SLCO3A1: variants seen among roughly 807,000 people sequenced by gnomAD.
The protein encoded by SLCO3A1 is PGE1 transporter.
Under a neutral mutation model 63.1 loss-of-function variants are expected in SLCO3A1, and 27 were observed. That is an observed-to-expected ratio of 0.43 (90% confidence interval 0.32 to 0.59). The LOEUF (loss-of-function observed/expected upper bound fraction) is 0.59. SLCO3A1 is among the 20% of genes least tolerant of loss of function. SLCO3A1 has a pLI of 0.09. For missense variants in SLCO3A1, 773 were observed against 945.8 expected (o/e 0.82, Z 2.40); for synonymous variants, 473 against 409.9 (o/e 1.15, Z -1.86).
chr15:92,170,264 C>G (rs2048514297), downstream of SLCO3A1, among the ~76,000 whole-genome samples: 1 of 152,284 alleles, frequency 6.6e-6, no homozygotes, highest in South Asian at 2.1e-4. Flanking sequence ...AGGATCCCAA[C>G]TGAACACAGA....
In SLCO3A1 at chr15:91,854,311, C is replaced by G. The variant is rs111571370; in HGVS notation, c.180+223C>G. The G allele has an allele frequency of 9.0e-7, 1 of 1,112,436 alleles. No homozygotes were observed. Among genetic ancestry groups the G allele is most frequent in the African/African-American group, 1.7e-5 (1 of 60,248 alleles). The allele number at this position is 1,112,436 out of a possible 1,614,324, so 68.9% of individuals were successfully genotyped here. A position where few individuals can be genotyped will look rare whatever the true frequency, so the allele number is the denominator to read the frequency against. ...GGGACCGTTGATGCCGGTAGCAGCT[C>G]GCGCGCGTCCGGCTGGGGCAGGGGG... is the stretch of plus-strand genomic sequence containing the variant. On this transcript the variant is annotated intron_variant, in intron 1 of 9. Transcript: ENST00000318445. This position sits in a 1 kb window ranked among gnomAD's most constrained non-coding sequence, Gnocchi z 6.4.
rs150852514 is a variant in SLCO3A1 at position 92,161,385 on chromosome 15, C to A, written c.1754-1371C>A. Among the ~76,000 whole-genome samples, 252 of 152,258 alleles carry A rather than the reference C, an allele frequency of 1.7e-3. 1 individual carries two copies. Among genetic ancestry groups the A allele is most frequent in the African/African-American group, 5.9e-3 (245 of 41,548 alleles). On this transcript the variant is annotated intron_variant, in intron 9 of 9. Coordinates refer to ENST00000318445, the MANE Select transcript of SLCO3A1 (RefSeq NM_013272.4). ...CACCCTGGATGATGATTGTCATGGG[C>A]AGCCAGGTCTGATAACTCGGATAAC... is the stretch of plus-strand genomic sequence containing the variant.
intron 2 of SLCO3A1, among the ~76,000 whole-genome samples, chr15:91,959,979 T>C (rs1900381535): frequency 6.6e-6 from 1 of 152,052 alleles, no homozygotes; most frequent in South Asian, 2.1e-4. Flanking sequence ...TCATACAATA[T>C]GTGGCCTTTT....
intron 4 of SLCO3A1, among the ~76,000 whole-genome samples, chr15:92,106,767 C>T (rs1446016557): frequency 6.6e-6 from 1 of 152,182 alleles, no homozygotes; most frequent in Non-Finnish European, 1.5e-5. Flanking sequence ...TAACAAGCAG[C>T]ACAGGTGGTT....
intron 7 of SLCO3A1, among the ~76,000 whole-genome samples, chr15:92,143,686 C>G (rs1007879830): frequency 2.7e-5 from 4 of 148,968 alleles, no homozygotes; most frequent in Non-Finnish European, 5.9e-5. Flanking sequence ...TGGTTTTTGT[C>G]ATTACTTTTA....
chr15:92,104,691 A>G (rs2047646603), intron 4 of SLCO3A1, 149 bp downstream of exon 4: 1 of 762,708 alleles, frequency 1.3e-6, no homozygotes. Flanking sequence ...TCTACCAGCC[A>G]GGTGCTTAAC....
rs1724154623 is a variant in SLCO3A1, at chr15:91,862,792, G to A, written c.180+8704G>A. The stretch of plus-strand genomic sequence containing the variant: ...AGTGATTATTTTTACCGCCATTTCT[G>A]CACTTGCAAGGTTGATGTAGGGAGA... On this transcript the variant is annotated intron_variant, in intron 1 of 9. Coordinates refer to ENST00000318445, the MANE Select transcript of SLCO3A1 (RefSeq NM_013272.4). The surrounding 1 kb of genome is among the most constrained non-coding windows in gnomAD (Gnocchi z 4.0). Among the ~76,000 whole-genome samples the A allele has an allele frequency of 1.3e-5, 2 of 152,184 alleles. No individual in the cohort carries two copies. Among genetic ancestry groups the A allele is most frequent in the South Asian group, 4.1e-4 (2 of 4,830 alleles).
intron 2 of SLCO3A1, among the ~76,000 whole-genome samples, chr15:91,924,645 C>G (rs1898953580): frequency 6.6e-6 from 1 of 152,158 alleles, no homozygotes; most frequent in South Asian, 2.1e-4. Context: ...AGGAAGAGGA[C>G]AGGGGATCTT....
rs559531432 is a variant in SLCO3A1, at chr15:91,858,889, C to G, written c.180+4801C>G. Reference sequence around the variant, plus strand: ...GCCTGGATGAACAAGGGTAGTATTGCAAAAATGATGAGGATACAGCTGCAT... The same window carrying G: ...GCCTGGATGAACAAGGGTAGTATTGGAAAAATGATGAGGATACAGCTGCAT... On this transcript the variant is annotated intron_variant, in intron 1 of 9. Coordinates refer to ENST00000318445, the MANE Select transcript of SLCO3A1 (RefSeq NM_013272.4). Among the ~76,000 whole-genome samples, 9 of 152,288 alleles carry G rather than the reference C, an allele frequency of 5.9e-5. No individual in the cohort carries two copies. In the South Asian group the frequency reaches 1.9e-3, roughly 32 times the overall value.
chr15:92,130,854 T>G lies in SLCO3A1; in HGVS notation c.1512+2365T>G, dbSNP rs114345933. 5.8e-3 allele frequency among the ~76,000 whole-genome samples: 871 copies of G among 150,514 alleles called. 12 individuals are homozygous for G. Among genetic ancestry groups the G allele is most frequent in the African/African-American group, 0.017 (705 of 40,728 alleles). ...TGTACTCCCTCCCTCGCCCCCTTTTTTCTCCACTCTTCTTGTCTCCAAGTT... is the reference window on the plus strand; with the variant it reads ...TGTACTCCCTCCCTCGCCCCCTTTTGTCTCCACTCTTCTTGTCTCCAAGTT... On this transcript the variant is annotated intron_variant, in intron 7 of 9. Coordinates refer to ENST00000318445, the MANE Select transcript of SLCO3A1 (RefSeq NM_013272.4).
rs1007202461 is a variant in SLCO3A1, at chr15:91,865,849, A to T, written c.180+11761A>T. 6.6e-6 allele frequency among the ~76,000 whole-genome samples: 1 copy of T among 152,250 alleles called. No homozygotes were observed. The highest frequency in any genetic ancestry group is 2.4e-5 in the African/African-American group (1 of 41,464). ...TTCAGTTTATCTTTTTGGGGAAAACAAATCAATTCATAACACCAGAGAAGA... is the reference window on the plus strand; with the variant it reads ...TTCAGTTTATCTTTTTGGGGAAAACTAATCAATTCATAACACCAGAGAAGA... On this transcript the variant is annotated intron_variant, in intron 1 of 9. Transcript: ENST00000318445. The surrounding 1 kb of genome is among the most constrained non-coding windows in gnomAD (Gnocchi z 4.6).
chr15:92,125,351 C>A (rs954673563), intron 5 of SLCO3A1, among the ~76,000 whole-genome samples: 2 of 152,120 alleles, frequency 1.3e-5, no homozygotes, highest in African/African-American at 4.8e-5. Flanking sequence ...TCCTTTGGTC[C>A]TCCTAAAATG....
chr15:92,115,754 A>G (rs541036932), intron 4 of SLCO3A1, among the ~76,000 whole-genome samples: 1 of 140,166 alleles, frequency 7.1e-6, no homozygotes, highest in South Asian at 2.3e-4. Flanking sequence ...TTTCAGCTCT[A>G]CAATTCTTTC....
intron 8 of SLCO3A1, 64 bp downstream of exon 8, chr15:92,147,223 A>G (rs1297984259): frequency 2.7e-6 from 4 of 1,493,920 alleles, no homozygotes; most frequent in East Asian, 2.3e-5. Context: ...CAGGCCTCCT[A>G]GGGACCAGAG....
At chr15:92,125,501 T>C (rs1682796767) in intron 5 of SLCO3A1, among the ~76,000 whole-genome samples, 1 of 152,158 alleles carries the variant, frequency 6.6e-6, no homozygotes, top group African/African-American at 2.4e-5. Flanking sequence ...TTGATGCCAC[T>C]TCCTGAGGGG....
At chr15:91,995,853 T>C (rs986069027) in intron 2 of SLCO3A1, among the ~76,000 whole-genome samples, 1 of 151,562 alleles carries the variant, frequency 6.6e-6, no homozygotes, top group African/African-American at 2.4e-5. Context: ...GCAATACTCA[T>C]AGAAATTTAG....
chr15:91,930,773 CAT>C (rs1899197594), intron 2 of SLCO3A1, among the ~76,000 whole-genome samples: 2 of 151,728 alleles, frequency 1.3e-5, no homozygotes, highest in African/African-American at 4.8e-5. Flanking sequence ...AAGTTCTTGA[CAT>C]ATATTATCTG....
intron 2 of SLCO3A1, among the ~76,000 whole-genome samples, chr15:92,013,729 T>G (rs1290209570): frequency 2.0e-5 from 3 of 152,218 alleles, no homozygotes; most frequent in African/African-American, 4.8e-5. Context: ...AAAGGCCCTT[T>G]AGAGGTCCTG....
At chr15:92,083,149 C>A (rs2047366765) in intron 2 of SLCO3A1, among the ~76,000 whole-genome samples, 1 of 152,162 alleles carries the variant, frequency 6.6e-6, no homozygotes, top group South Asian at 2.1e-4. Context: ...GAAGCCGTCA[C>A]CCGTGTGTAC....
Sources: allele counts gnomAD v4.1 joint callset (sites outside exome capture counted in the v4.1 genomes callset), GRCh38; gene constraint gnomAD v4.1.1; non-coding constraint Gnocchi (gnomAD v3.1); transcripts MANE v1.5; gene names NCBI Gene and HGNC (gene_info 2026-07-23, HGNC 2026-07-21).